GPCPD1: variants seen among roughly 807,000 people sequenced by gnomAD.
GPCPD1 encodes glycerophosphocholine phosphodiesterase GPCPD1.
GPCPD1 carries 29 observed loss-of-function variants against 89.2 expected under a neutral mutation model. The ratio of observed to expected loss-of-function variants is 0.33; its 90% CI spans 0.24 to 0.44. GPCPD1 has a LOEUF of 0.44. Among genes scored for constraint, GPCPD1 ranks in the 20% least tolerant of loss-of-function variants. The pLI is 1.00. For synonymous variants in GPCPD1, 258 were observed against 266.3 expected (o/e 0.97, Z 0.30); for missense variants, 594 against 808.9 (o/e 0.73, Z 3.22).
At chr20:5,584,193 AT>A in intron 6 of GPCPD1, 87 bp downstream of exon 6, 1 of 704,242 alleles carries the variant, frequency 1.4e-6, no homozygotes, top group Non-Finnish European at 2.5e-6. Context: ...TGTATGTTCT[AT>A]TTTCCTGTGC....
chr20:5,583,971 ATT>A, intron 6 of GPCPD1, among the ~76,000 whole-genome samples: 1 of 152,338 alleles, frequency 6.6e-6, no homozygotes, highest in South Asian at 2.1e-4. Context: ...AACAGTAGGG[ATT>A]TGTTTTTTGG....
At chr20:5,582,968 C>T (rs1407368324) in intron 6 of GPCPD1, among the ~76,000 whole-genome samples, 2 of 151,644 alleles carry the variant, frequency 1.3e-5, no homozygotes, top group Admixed American at 6.6e-5. Context: ...GGTGCGGTGG[C>T]ACACGCCTGT....
rs751111824 is a variant in GPCPD1, at chr20:5,593,374, C to T, written c.184G>A (p.Val62Ile). The T allele has an allele frequency of 1.3e-6, 2 of 1,599,642 alleles. No individual in the cohort carries two copies. The highest frequency in any genetic ancestry group is 1.7e-6 in the Non-Finnish European group (2 of 1,167,268). Residue 62 changes from valine to isoleucine, a missense_variant, in exon 4 of 20, where the codon GTA becomes ATA. By Grantham distance (29) the Val-to-Ile change is conservative. Coordinates refer to ENST00000379019, the MANE Select transcript of GPCPD1 (RefSeq NM_019593.5). ...WKATIVLSRG[V>I]SVQYRYFKGY... ...TTGAAGTAGCGATACTGAACTGATA[C>T]TCCTCTACTGAGTACAATGGTTGCT... is the stretch of plus-strand genomic sequence containing the variant.
chr20:5,581,813 A>AT (rs1568664434), intron 6 of GPCPD1, among the ~76,000 whole-genome samples: 14 of 82,806 alleles, frequency 1.7e-4, no homozygotes, highest in Non-Finnish European at 1.9e-4. Flanking sequence ...TGGGACTTTA[A>AT]CTTTTTTTTT....
At chr20:5,585,883 G>T in intron 5 of GPCPD1, 1 of 235,076 alleles carries the variant, frequency 4.3e-6, no homozygotes. Context: ...AGCTATGGAT[G>T]CTCAGTCAAG....
intron 1 of GPCPD1, among the ~76,000 whole-genome samples, chr20:5,607,689 T>C (rs1193268100): frequency 3.3e-5 from 5 of 152,136 alleles, no homozygotes; most frequent in Non-Finnish European, 7.4e-5. Context: ...CCAGGTGTGG[T>C]GGCTCACGCC....
chr20:5,562,259 A>G (rs1332539150), intron 15 of GPCPD1, among the ~76,000 whole-genome samples: 1 of 152,200 alleles, frequency 6.6e-6, no homozygotes, highest in Non-Finnish European at 1.5e-5. Flanking sequence ...GCTCAGGGCA[A>G]AATGAATTTG....
intron 13 of GPCPD1, among the ~76,000 whole-genome samples, chr20:5,567,138 G>A (rs111405179): frequency 4.6e-5 from 7 of 152,198 alleles, no homozygotes; most frequent in African/African-American, 1.7e-4. Context: ...TGCATAAAAG[G>A]CCTATTGTAA....
Position 5,554,505 on chromosome 20 carries a change from C to T in GPCPD1, c.1829+3440G>A, listed in dbSNP as rs1985635800. 2.0e-5 allele frequency among the ~76,000 whole-genome samples: 3 copies of T among 152,320 alleles called. No homozygotes were observed. In the South Asian group the frequency reaches 6.2e-4, roughly 32 times the overall value. The stretch of plus-strand genomic sequence containing the variant: ...GCCCTTCAGAATTACGCTAAATCTA[C>T]TTTGTCTGTGCTCCAGAAATGCAAC... On this transcript the variant is annotated intron_variant, in intron 19 of 19. Transcript: ENST00000379019.
At chr20:5,599,381 C>T (rs1009873932) in intron 2 of GPCPD1, among the ~76,000 whole-genome samples, 32 of 151,980 alleles carry the variant, frequency 2.1e-4, no homozygotes, top group African/African-American at 7.5e-4. Flanking sequence ...CAGGAGAATT[C>T]ACTTGAACCC....
At chr20:5,569,407 G>A (rs1186143731) in intron 12 of GPCPD1, among the ~76,000 whole-genome samples, 4 of 151,830 alleles carry the variant, frequency 2.6e-5, no homozygotes, top group African/African-American at 7.3e-5. Flanking sequence ...GTATACTGAC[G>A]TTTAGGGACT....
rs192931919 is a variant in GPCPD1 at position 5,559,032 on chromosome 20, A to G, written c.1533-213T>C. 2.5e-3 allele frequency among the ~76,000 whole-genome samples: 385 copies of G among 152,118 alleles called. 2 individuals carry two copies. The highest frequency in any genetic ancestry group is 3.6e-3 in the Non-Finnish European group (243 of 67,994). ...AGCCTGGACAACATGGCGAAATCCCATCTCTACTAAAAATACAAAAATTAG... is the reference window on the plus strand; with the variant it reads ...AGCCTGGACAACATGGCGAAATCCCGTCTCTACTAAAAATACAAAAATTAG... On this transcript the variant is annotated intron_variant, in intron 17 of 19. Coordinates refer to ENST00000379019, the MANE Select transcript of GPCPD1 (RefSeq NM_019593.5).
chr20:5,586,756 C>T (rs1978954760), intron 4 of GPCPD1, among the ~76,000 whole-genome samples: 1 of 152,136 alleles, frequency 6.6e-6, no homozygotes, highest in South Asian at 2.1e-4. Context: ...GCAAGCTACT[C>T]AAGGAACTAA....
intron 19 of GPCPD1, among the ~76,000 whole-genome samples, chr20:5,555,677 A>C (rs919740053): frequency 2.0e-5 from 3 of 152,192 alleles, no homozygotes; most frequent in Non-Finnish European, 4.4e-5. Context: ...CCAACATGGC[A>C]AAACCTCTTC....
At chr20:5,553,068 C>A (rs6076849) in intron 19 of GPCPD1, among the ~76,000 whole-genome samples, 5 of 152,176 alleles carry the variant, frequency 3.3e-5, no homozygotes, top group Non-Finnish European at 7.3e-5. Flanking sequence ...CATGCCCCAC[C>A]TGCGCTTTTC....
chr20:5,593,101 A>G (rs1395127806), intron 4 of GPCPD1, among the ~76,000 whole-genome samples: 1 of 152,200 alleles, frequency 6.6e-6, no homozygotes, highest in African/African-American at 2.4e-5. Context: ...CCAATTTCAT[A>G]AGAATACTGC....
In GPCPD1 at chr20:5,604,459, G is replaced by C; in HGVS notation, c.-28-19C>G. The C allele has an allele frequency of 8.8e-7, 1 of 1,138,476 alleles. No homozygotes were observed. The highest frequency in any genetic ancestry group is 2.0e-5 in the Admixed American group (1 of 50,526). 70.5% of individuals were successfully genotyped at this position (1,138,476 alleles called of 1,614,324 possible). On this transcript the variant is annotated intron_variant, in intron 1 of 19. Coordinates refer to ENST00000379019, the MANE Select transcript of GPCPD1 (RefSeq NM_019593.5). ...TGTCGTGCTAGGAAAAAAAAGAAAA[G>C]TAACTTATAGTATAAAAATATATGC... is the stretch of plus-strand genomic sequence containing the variant.
intron 5 of GPCPD1, 78 bp from the exon 6 acceptor site, chr20:5,584,400 T>C: frequency 1.5e-6 from 1 of 685,410 alleles, no homozygotes; most frequent in South Asian, 1.7e-5. Flanking sequence ...ATTACCCACC[T>C]TAAAGATCGT....
At chr20:5,556,642 A>T (rs1985785407) in intron 19 of GPCPD1, among the ~76,000 whole-genome samples, 1 of 152,240 alleles carries the variant, frequency 6.6e-6, no homozygotes, top group Non-Finnish European at 1.5e-5. Context: ...AGTAAATGAC[A>T]TCCCTTCTAA....
Sources: gnomAD v4.1 joint callset for allele counts (sites outside exome capture counted in the v4.1 genomes callset) on GRCh38, gnomAD v4.1.1 for gene constraint, MANE v1.5 for transcripts, NCBI Gene and HGNC (gene_info 2026-07-23, HGNC 2026-07-21) for gene names.